Variants in DOCK1 observed in about 807,000 individuals in gnomAD.
The protein encoded by DOCK1 is dedicator of cytokinesis protein 1.
Under a neutral mutation model 262.7 loss-of-function variants are expected in DOCK1, and 138 were observed. That is an observed-to-expected ratio of 0.53 (90% CI 0.46 to 0.61). The LOEUF is 0.61. DOCK1 is among the 20% of genes least tolerant of loss of function. The probability of loss-of-function intolerance (pLI) is 0.00; values close to 1 mark genes in which losing one functional copy is unlikely to be tolerated. For synonymous variants in DOCK1, 866 were observed against 867.4 expected, an observed-to-expected ratio of 1.00 and a Z score of 0.03; for missense variants, 1,908 against 2,370.7, an observed-to-expected ratio of 0.80 and a Z score of 4.05.
chr10:126,974,243 C>A (rs2038340038), intron 2 of DOCK1, among the ~76,000 whole-genome samples: 1 of 152,200 alleles, frequency 6.6e-6, no homozygotes. Flanking sequence ...CCAGGGCTTC[C>A]ATAGCGTCCC....
At chr10:127,243,468 C>T (rs1306797231) in intron 27 of DOCK1, among the ~76,000 whole-genome samples, 1 of 152,080 alleles carries the variant, frequency 6.6e-6, no homozygotes, top group South Asian at 2.1e-4. Context: ...TGCCCAGTTC[C>T]ACCTGCCTTT....
At chr10:127,160,834 A>T (rs924919094) in intron 27 of DOCK1, among the ~76,000 whole-genome samples, 1 of 152,182 alleles carries the variant, frequency 6.6e-6, no homozygotes, top group African/African-American at 2.4e-5. Flanking sequence ...TTCTTACTGG[A>T]TGCAACAACC....
At chr10:127,429,290 A>G (rs1363031857) in intron 47 of DOCK1, among the ~76,000 whole-genome samples, 1 of 152,098 alleles carries the variant, frequency 6.6e-6, no homozygotes, top group Non-Finnish European at 1.5e-5. Context: ...CACCTTGCAG[A>G]GTCCTGCTCC....
At chr10:127,342,113 C>T (rs75959882) in intron 30 of DOCK1, among the ~76,000 whole-genome samples, 5 of 108,686 alleles carry the variant, frequency 4.6e-5, no homozygotes, top group East Asian at 3.4e-4. Context: ...GCTGCTGCTG[C>T]TGTTGTTGTT....
At chr10:127,323,208 G>A (rs1431597074) in intron 29 of DOCK1, among the ~76,000 whole-genome samples, 1 of 152,134 alleles carries the variant, frequency 6.6e-6, no homozygotes, top group African/African-American at 2.4e-5. Context: ...ATAAAAATGA[G>A]GGGTAAGGCG....
chr10:127,113,749 G>A (rs964674166), intron 25 of DOCK1, among the ~76,000 whole-genome samples: 1 of 152,166 alleles, frequency 6.6e-6, no homozygotes, highest in African/African-American at 2.4e-5. Flanking sequence ...ATGTGGGACT[G>A]GCCTGAATGA....
In DOCK1 at chr10:127,358,612, G is replaced by A. The variant is rs79932464; in HGVS notation, c.3284-3452G>A. 6.9e-3 allele frequency among the ~76,000 whole-genome samples: 1,052 copies of A among 152,264 alleles called. 11 individuals are homozygous for A. The highest frequency in any genetic ancestry group is 0.024 in the African/African-American group (998 of 41,560). On this transcript the variant is annotated intron_variant, in intron 32 of 51. Coordinates refer to ENST00000623213, the MANE Select transcript of DOCK1 (RefSeq NM_001290223.2). ...TTGGAGCAAGATCTTTATCCACCGC[G>A]TTGGGTTTGGGATATTTTTCATGCA... is the stretch of plus-strand genomic sequence containing the variant.
intron 29 of DOCK1, among the ~76,000 whole-genome samples, chr10:127,299,125 G>A (rs1019848038): frequency 6.6e-6 from 1 of 152,190 alleles, no homozygotes; most frequent in Admixed American, 6.5e-5. Context: ...TTGAGACCAT[G>A]TCTTGCTCTG....
At chr10:127,194,704 A>G (rs2056978874) in intron 27 of DOCK1, among the ~76,000 whole-genome samples, 1 of 152,086 alleles carries the variant, frequency 6.6e-6, no homozygotes, top group South Asian at 2.1e-4. Flanking sequence ...GTAACCCTCT[A>G]GCAAGTCCTC....
chr10:127,249,372 T>TACACATATGTACATATATAC (rs2059539707), intron 28 of DOCK1, among the ~76,000 whole-genome samples: 2 of 141,960 alleles, frequency 1.4e-5, no homozygotes, highest in South Asian at 2.4e-4. Context: ...TACATATATA[T>TACACATATGTACATATATAC]ACACATATGT....
At chr10:126,963,005 T>G (rs906259751) in intron 1 of DOCK1, among the ~76,000 whole-genome samples, 24 of 152,228 alleles carry the variant, frequency 1.6e-4, no homozygotes, top group African/African-American at 5.3e-4. Context: ...TTGAATAGTC[T>G]TGGCATCCTT....
intron 25 of DOCK1, among the ~76,000 whole-genome samples, chr10:127,113,929 A>T (rs1332022439): frequency 6.6e-6 from 1 of 152,150 alleles, no homozygotes; most frequent in East Asian, 1.9e-4. Context: ...TGCTGGAAAC[A>T]TCCTTACAGA....
intron 1 of DOCK1, among the ~76,000 whole-genome samples, chr10:126,937,975 T>G (rs1253733517): frequency 6.6e-6 from 1 of 152,168 alleles, no homozygotes; most frequent in Non-Finnish European, 1.5e-5. Flanking sequence ...GTTTTACAGT[T>G]TTAGCTCTTG....
chr10:127,029,243 G>A (rs988816462), intron 16 of DOCK1, among the ~76,000 whole-genome samples: 5 of 152,166 alleles, frequency 3.3e-5, no homozygotes, highest in African/African-American at 1.2e-4. Context: ...CCTGGATGTC[G>A]GCCGCTGACC....
At chr10:127,183,383 C>T (rs1286155912) in intron 27 of DOCK1, among the ~76,000 whole-genome samples, 1 of 152,142 alleles carries the variant, frequency 6.6e-6, no homozygotes, top group Non-Finnish European at 1.5e-5. Flanking sequence ...GTATTTTCAT[C>T]GTAGTATGAA....
intron 32 of DOCK1, among the ~76,000 whole-genome samples, chr10:127,361,400 C>T (rs1255591357): frequency 2.6e-5 from 4 of 152,122 alleles, no homozygotes; most frequent in Non-Finnish European, 5.9e-5. Context: ...AGGCGTGAGC[C>T]ACCACACCCG....
At chr10:127,061,021 G>C (rs2045496055) in intron 22 of DOCK1, among the ~76,000 whole-genome samples, 1 of 152,198 alleles carries the variant, frequency 6.6e-6, no homozygotes, top group African/African-American at 2.4e-5. Flanking sequence ...CTTAGGTCAG[G>C]AGTTCAAGAC....
At chr10:127,370,818 C>G (rs182373701) in intron 33 of DOCK1, among the ~76,000 whole-genome samples, 156 of 152,340 alleles carry the variant, frequency 1.0e-3, no homozygotes, top group African/African-American at 2.5e-3. Flanking sequence ...TTCATGTTCT[C>G]AGAGGGCTGC....
In DOCK1 at chr10:127,437,699, G is replaced by T. The variant is rs1050772681; in HGVS notation, c.5061-1328G>T. Among the ~76,000 whole-genome samples the T allele has an allele frequency of 6.6e-6, 1 of 152,052 alleles. No homozygotes were observed. Among genetic ancestry groups the T allele is most frequent in the Admixed American group, 6.5e-5 (1 of 15,268 alleles). On this transcript the variant is annotated intron_variant, in intron 48 of 51. Transcript: ENST00000623213. This position sits in a 1 kb window ranked among gnomAD's most constrained non-coding sequence, Gnocchi z 4.4. ...TTGCCATGTTGGCCAGGCTGGTCTC[G>T]AACTCCTGAGCTCAAATGATCCACC...
Sources: allele counts gnomAD v4.1 joint callset (sites outside exome capture counted in the v4.1 genomes callset), GRCh38; gene constraint gnomAD v4.1.1; non-coding constraint Gnocchi (gnomAD v3.1); transcripts MANE v1.5; gene names NCBI Gene and HGNC (gene_info 2026-07-23, HGNC 2026-07-21).